Variants in TSPAN3 observed in about 807,000 individuals in gnomAD.
The protein encoded by TSPAN3 is tetraspanin 3.
TSPAN3 carries 9 observed loss-of-function variants against 31.1 expected under a neutral mutation model. That is an observed-to-expected ratio of 0.29 (90% CI 0.17 to 0.50). The LOEUF (loss-of-function observed/expected upper bound fraction) is 0.50, where lower values mean the gene tolerates loss of function less well. Among genes scored for constraint, TSPAN3 ranks in the 20% least tolerant of loss-of-function variants. The probability of loss-of-function intolerance (pLI) is 0.98; values close to 1 mark genes in which losing one functional copy is unlikely to be tolerated. For missense variants in TSPAN3, 252 were observed against 313.5 expected (o/e 0.80, Z 1.48); for synonymous variants, 129 against 114.3 (o/e 1.13, Z -0.82).
In TSPAN3 at chr15:77,042,367, C is replaced by T. The variant is rs925277289; in HGVS notation, c.*4468G>A. 2 of 152,202 alleles carry T rather than the reference C, an allele frequency of 1.3e-5. No individual in the cohort carries two copies. The highest frequency in any genetic ancestry group is 2.4e-5 in the African/African-American group (1 of 41,446). 9.4% of individuals were successfully genotyped at this position (152,202 alleles called of 1,614,324 possible). On this transcript the variant is annotated 3_prime_UTR_variant, in exon 7 of 7. Transcript: ENST00000267970. ...TATAGGACAAGAAGCAAAGACACCC[C>T]AGCTGCAATAAGCACACCTAGTGCC...
chr15:77,068,503 A>C (rs926196040), intron 1 of TSPAN3, among the ~76,000 whole-genome samples: 5 of 152,230 alleles, frequency 3.3e-5, no homozygotes, highest in African/African-American at 1.2e-4. Context: ...GAACAATTCC[A>C]GTCCCTGAGC....
intron 1 of TSPAN3, among the ~76,000 whole-genome samples, chr15:77,057,174 T>G (rs2076773762): frequency 6.6e-6 from 1 of 152,258 alleles, no homozygotes; most frequent in African/African-American, 2.4e-5. Flanking sequence ...AGCTCTGTGC[T>G]GACAGCCCAA....
chr15:77,053,929 T>C (rs527306236), intron 4 of TSPAN3, among the ~76,000 whole-genome samples: 1 of 152,098 alleles, frequency 6.6e-6, no homozygotes, highest in East Asian at 1.9e-4. Context: ...GGCTAAGTAC[T>C]TTGGGAGAGT....
intron 1 of TSPAN3, among the ~76,000 whole-genome samples, chr15:77,062,709 T>G (rs1423128837): frequency 1.3e-5 from 2 of 152,180 alleles, no homozygotes; most frequent in African/African-American, 4.8e-5. Flanking sequence ...AATCTATCCT[T>G]TAGAAAGTTA....
chr15:77,055,637 T>C, intron 3 of TSPAN3, 152 bp downstream of exon 3: 2 of 617,578 alleles, frequency 3.2e-6, no homozygotes, highest in Non-Finnish European at 5.6e-6. Context: ...GACATGTAAA[T>C]ATTTGCCAAT....
Position 77,052,940 on chromosome 15 carries a change from A to T in TSPAN3, c.433-11T>A. ...TCCACAACAATGCAGCTAAAGGAGA[A>T]GAGAATAAGTATTATTTCTCACAAA... On this transcript the variant is annotated splice_polypyrimidine_tract_variant and intron_variant, in intron 4 of 6. Coordinates refer to ENST00000267970, the MANE Select transcript of TSPAN3 (RefSeq NM_005724.6). 1 of 1,610,694 alleles carries T rather than the reference A, an allele frequency of 6.2e-7. No homozygotes were observed. Among genetic ancestry groups the T allele is most frequent in the Non-Finnish European group, 8.5e-7 (1 of 1,177,950 alleles).
intron 6 of TSPAN3, among the ~76,000 whole-genome samples, chr15:77,047,260 C>A (rs2076699382): frequency 6.6e-6 from 1 of 152,200 alleles, no homozygotes; most frequent in South Asian, 2.1e-4. Flanking sequence ...TGTCATGTGG[C>A]CTCATGTGAC....
At position 77,059,362 on chromosome 15, in the gene TSPAN3, G is replaced by A. The variant is rs540725837; in HGVS notation, c.64-3107C>T. Among the ~76,000 whole-genome samples, 68 of 152,346 alleles carry A rather than the reference G, an allele frequency of 4.5e-4. 1 individual carries two copies. Among genetic ancestry groups the A allele is most frequent in the African/African-American group, 1.5e-3 (61 of 41,576 alleles). ...CTCCCAAAGTGCTGGGATTACAGGC[G>A]TGAGCCATTGCGCCTGGCCAGACAT... On this transcript the variant is annotated intron_variant, in intron 1 of 6. Transcript: ENST00000267970.
chr15:77,056,039 T>TG, intron 2 of TSPAN3, 25 bp downstream of exon 2: 1 of 1,584,134 alleles, frequency 6.3e-7, no homozygotes, highest in Non-Finnish European at 8.6e-7. Flanking sequence ...TAAATACTCC[T>TG]GCATGTTCTC....
intron 1 of TSPAN3, 120 bp downstream of exon 1, chr15:77,070,772 G>A (rs2076863830): frequency 2.5e-6 from 1 of 404,324 alleles, no homozygotes. Flanking sequence ...TCAGCCGCCT[G>A]AGGGCCCGCG....
chr15:77,056,397 T>C, intron 1 of TSPAN3, 142 bp from the exon 2 acceptor site: 1 of 592,758 alleles, frequency 1.7e-6, no homozygotes, highest in Non-Finnish European at 2.7e-6. Context: ...TATGATTCCT[T>C]GTTAAGAGCA....
chr15:77,060,130 CACA>C (rs948495683), intron 1 of TSPAN3, among the ~76,000 whole-genome samples: 1 of 152,134 alleles, frequency 6.6e-6, no homozygotes, highest in African/African-American at 2.4e-5. Context: ...ATCCAAGTCA[CACA>C]ACAAGATGAG....
rs954871348 is a variant in TSPAN3, at chr15:77,046,342, T to C, written c.*493A>G. 7.5e-6 allele frequency: 3 copies of C among 401,122 alleles called. No individual in the cohort carries two copies. The highest frequency in any genetic ancestry group is 4.1e-5 in the African/African-American group (2 of 48,626). The allele number at this position is 401,122 out of a possible 1,614,324, so 24.8% of individuals were successfully genotyped here. Reference sequence around the variant, plus strand: ...TATTTTAGTCATTTTGTACAGCTGCTATCTTATTGGACTACAGTAAATATT... The same window carrying C: ...TATTTTAGTCATTTTGTACAGCTGCCATCTTATTGGACTACAGTAAATATT... On this transcript the variant is annotated 3_prime_UTR_variant, in exon 7 of 7. Coordinates refer to ENST00000267970, the MANE Select transcript of TSPAN3 (RefSeq NM_005724.6).
Position 77,043,798 on chromosome 15 carries a change from G to C in TSPAN3, c.*3037C>G, listed in dbSNP as rs776261319. The C allele has an allele frequency of 1.1e-4, 17 of 152,208 alleles. No homozygotes were observed. Among genetic ancestry groups the C allele is most frequent in the Non-Finnish European group, 2.4e-4 (16 of 68,048 alleles). 9.4% of individuals were successfully genotyped at this position (152,208 alleles called of 1,614,324 possible). On this transcript the variant is annotated 3_prime_UTR_variant, in exon 7 of 7. Transcript: ENST00000267970. ...TATCAGTGTTAGATGGACGGAATTT[G>C]ACAACTGTACTGCAGTCGTCAGAGA... is the stretch of plus-strand genomic sequence containing the variant.
chr15:77,053,518 A>G (rs1406182803), intron 4 of TSPAN3, among the ~76,000 whole-genome samples: 1 of 144,220 alleles, frequency 6.9e-6, no homozygotes, highest in Non-Finnish European at 1.5e-5. Context: ...CATTGCCTAT[A>G]AGCGGTAGTT....
chr15:77,046,491 G>T lies in TSPAN3; in HGVS notation c.*344C>A. On this transcript the variant is annotated 3_prime_UTR_variant, in exon 7 of 7. Transcript: ENST00000267970. The stretch of plus-strand genomic sequence containing the variant: ...TCCACTGTGAAGACTGAAAGGACCT[G>T]GTGACATTTCGGCATCAGTCCTGTT... 2.4e-6 allele frequency: 1 copy of T among 422,682 alleles called. No individual in the cohort carries two copies. Among genetic ancestry groups the T allele is most frequent in the African/African-American group, 2.0e-5 (1 of 49,370 alleles). 26.2% of individuals were successfully genotyped at this position (422,682 alleles called of 1,614,324 possible).
At chr15:77,063,884 T>C (rs1271478663) in intron 1 of TSPAN3, 1 of 152,214 alleles carries the variant, frequency 6.6e-6, no homozygotes, top group Non-Finnish European at 1.5e-5. Flanking sequence ...AATTTAAATA[T>C]GCATTTTCTT....
Position 77,043,626 on chromosome 15 carries a change from G to A in TSPAN3, c.*3209C>T, listed in dbSNP as rs1016913598. The stretch of plus-strand genomic sequence containing the variant: ...AACTGTTCCTATCATCACAGACAAA[G>A]CTATGGAAATGATCCAGATTAAAGA... On this transcript the variant is annotated 3_prime_UTR_variant, in exon 7 of 7. Transcript: ENST00000267970. 2 of 152,174 alleles carry A rather than the reference G, an allele frequency of 1.3e-5. No individual in the cohort carries two copies. Among genetic ancestry groups the A allele is most frequent in the African/African-American group, 4.8e-5 (2 of 41,430 alleles). The allele number at this position is 152,174 out of a possible 1,614,324, so 9.4% of individuals were successfully genotyped here.
At chr15:77,050,719 T>C (rs1002396469) in intron 6 of TSPAN3, among the ~76,000 whole-genome samples, 1 of 152,226 alleles carries the variant, frequency 6.6e-6, no homozygotes, top group Non-Finnish European at 1.5e-5. Context: ...CTTCCTCATA[T>C]TTCATTATTT....
Sources: gnomAD v4.1 joint callset for allele counts (sites outside exome capture counted in the v4.1 genomes callset) on GRCh38, gnomAD v4.1.1 for gene constraint, MANE v1.5 for transcripts, NCBI Gene and HGNC (gene_info 2026-07-23, HGNC 2026-07-21) for gene names.